Variants in GALNTL6 observed in about 807,000 individuals in gnomAD.
GALNTL6 encodes the protein polypeptide N-acetylgalactosaminyltransferase-like 6.
In GALNTL6, 46 loss-of-function variants were observed where a neutral mutation model predicts 73.7. The observed-to-expected ratio is 0.62, with a 90% confidence interval of 0.49 to 0.80. The LOEUF is 0.80. GALNTL6 is among the 30% of genes least tolerant of loss of function. GALNTL6 has a pLI of 0.00. For synonymous variants in GALNTL6, 259 were observed against 263.7 expected (o/e 0.98, Z 0.17); for missense variants, 604 against 755.0 (o/e 0.80, Z 2.34).
At chr4:172,778,235 G>A (rs983097378) in intron 5 of GALNTL6, among the ~76,000 whole-genome samples, 2 of 152,234 alleles carry the variant, frequency 1.3e-5, no homozygotes, top group Non-Finnish European at 2.9e-5. Context: ...CACTCACACA[G>A]TTTTAACAAA....
intron 5 of GALNTL6, among the ~76,000 whole-genome samples, chr4:172,566,378 AT>A (rs1218169710): frequency 6.6e-6 from 1 of 152,192 alleles, no homozygotes; most frequent in East Asian, 1.9e-4. Flanking sequence ...GAAACCCACA[AT>A]AGGTGAAACT....
intron 2 of GALNTL6, among the ~76,000 whole-genome samples, chr4:171,966,924 G>C (rs1383754134): frequency 6.6e-6 from 1 of 151,966 alleles, no homozygotes; most frequent in African/African-American, 2.4e-5. Context: ...GCAATCTTGA[G>C]AAATTATTCT....
At chr4:172,410,236 T>C (rs901706614) in intron 5 of GALNTL6, among the ~76,000 whole-genome samples, 1 of 152,176 alleles carries the variant, frequency 6.6e-6, no homozygotes, top group South Asian at 2.1e-4. Context: ...AAACTTAATT[T>C]ACTTTTTGGT....
chr4:172,467,310 T>G (rs764669812), intron 5 of GALNTL6, among the ~76,000 whole-genome samples: 6 of 152,218 alleles, frequency 3.9e-5, no homozygotes, highest in Non-Finnish European at 7.3e-5. Context: ...CAATTAGTTG[T>G]TTAAAACACC....
intron 2 of GALNTL6, among the ~76,000 whole-genome samples, chr4:172,174,805 C>G (rs983607837): frequency 6.6e-6 from 1 of 151,932 alleles, no homozygotes; most frequent in Admixed American, 6.6e-5. Context: ...GATATGTACA[C>G]AAAATAATCA....
rs897725622 is a variant in GALNTL6, at chr4:172,418,207, CT to C, written c.553+69526del. 2.1e-4 allele frequency among the ~76,000 whole-genome samples: 32 copies of C among 152,010 alleles called. 1 individual carries two copies. In the East Asian group the frequency reaches 5.8e-3, roughly 28 times the overall value. ...GTTGTTTAAAATTTAAAAAGTAAAA[CT>C]TTTTTTTAGGTTAAAGGTTATTTTC... On this transcript the variant is annotated intron_variant, in intron 5 of 12. Transcript: ENST00000506823.
chr4:172,489,527 G>T (rs957259894), intron 5 of GALNTL6, among the ~76,000 whole-genome samples: 1 of 152,310 alleles, frequency 6.6e-6, no homozygotes, highest in Non-Finnish European at 1.5e-5. Flanking sequence ...TGTATTATAT[G>T]TATGTGTTTA....
intron 10 of GALNTL6, among the ~76,000 whole-genome samples, chr4:172,967,066 C>CA (rs1370663359): frequency 6.6e-6 from 1 of 152,244 alleles, no homozygotes; most frequent in African/African-American, 2.4e-5. Flanking sequence ...TTCATTTTCT[C>CA]ACAATTATCT....
chr4:172,032,701 T>C (rs930232026), intron 2 of GALNTL6, among the ~76,000 whole-genome samples: 1 of 152,098 alleles, frequency 6.6e-6, no homozygotes, highest in African/African-American at 2.4e-5. Context: ...ATTACGGCTT[T>C]ATCCTCAAAC....
At chr4:172,042,168 A>G (rs1742103999) in intron 2 of GALNTL6, among the ~76,000 whole-genome samples, 1 of 152,042 alleles carries the variant, frequency 6.6e-6, no homozygotes, top group African/African-American at 2.4e-5. Flanking sequence ...TCTTAATCCC[A>G]AAACAATGAA....
intron 2 of GALNTL6, among the ~76,000 whole-genome samples, chr4:172,041,763 A>G (rs1043512821): frequency 6.6e-6 from 1 of 152,064 alleles, no homozygotes; most frequent in Non-Finnish European, 1.5e-5. Context: ...AGTGTGGTGG[A>G]TGAAAGACGG....
At chr4:172,545,147 C>T (rs1270672052) in intron 5 of GALNTL6, among the ~76,000 whole-genome samples, 2 of 151,796 alleles carry the variant, frequency 1.3e-5, no homozygotes, top group Admixed American at 6.6e-5. Context: ...AATTTTAGTT[C>T]TAAGAAATAA....
intron 2 of GALNTL6, among the ~76,000 whole-genome samples, chr4:171,903,268 G>A (rs946751992): frequency 1.4e-4 from 21 of 152,064 alleles, no homozygotes; most frequent in African/African-American, 4.3e-4. Flanking sequence ...GACAGTGGGC[G>A]CAGGTCAGTG....
At chr4:171,870,560 G>A (rs1203501785) in intron 2 of GALNTL6, among the ~76,000 whole-genome samples, 1 of 149,632 alleles carries the variant, frequency 6.7e-6, no homozygotes, top group Non-Finnish European at 1.5e-5. Context: ...TTTTTTTTTT[G>A]GTCATTGGTA....
intron 5 of GALNTL6, among the ~76,000 whole-genome samples, chr4:172,622,939 T>G (rs956493269): frequency 6.6e-6 from 1 of 152,024 alleles, no homozygotes; most frequent in African/African-American, 2.4e-5. Context: ...CCAAAAAAAT[T>G]TGTGTTTTTT....
chr4:172,835,622 A>C (rs1742869757), intron 7 of GALNTL6, among the ~76,000 whole-genome samples: 1 of 152,196 alleles, frequency 6.6e-6, no homozygotes, highest in Non-Finnish European at 1.5e-5. Context: ...TCTGTGTTTT[A>C]GGAAAATAAC....
At chr4:172,832,466 G>A (rs971446762) in intron 7 of GALNTL6, among the ~76,000 whole-genome samples, 1 of 152,108 alleles carries the variant, frequency 6.6e-6, no homozygotes, top group Non-Finnish European at 1.5e-5. Flanking sequence ...TCTCTACCAG[G>A]AAGAAACCCA....
At chr4:172,214,519 C>CT (rs34845361) in intron 2 of GALNTL6, among the ~76,000 whole-genome samples, 58,565 of 142,326 alleles carry the variant, frequency 0.41, 13,365 homozygotes, top group South Asian at 0.67. Context: ...ATTTCTTTTC[C>CT]TTTTTTTTTT....
chr4:172,312,959 C>T (rs1206393966), intron 4 of GALNTL6, among the ~76,000 whole-genome samples: 4 of 152,112 alleles, frequency 2.6e-5, no homozygotes, highest in East Asian at 3.9e-4. Flanking sequence ...ATTATCCCCA[C>T]GTTACCTGAA....
Sources: gnomAD v4.1 joint callset for allele counts (sites outside exome capture counted in the v4.1 genomes callset) on GRCh38, gnomAD v4.1.1 for gene constraint, MANE v1.5 for transcripts, NCBI Gene and HGNC (gene_info 2026-07-23, HGNC 2026-07-21) for gene names.